The following MAGI1 variants were observed in gnomAD, a reference collection of about 807,000 sequenced individuals.
The protein encoded by MAGI1 is membrane-associated guanylate kinase, WW and PDZ domain-containing protein 1.
A neutral mutation model predicts 139.9 loss-of-function variants in MAGI1; 58 were observed. The observed-to-expected ratio is 0.41, with a 90% CI of 0.34 to 0.52. The LOEUF (loss-of-function observed/expected upper bound fraction) is 0.52, where lower values mean the gene tolerates loss of function less well. Among genes scored for constraint, MAGI1 ranks in the 20% least tolerant of loss-of-function variants. The probability of loss-of-function intolerance (pLI) is 0.12; values close to 1 mark genes in which losing one functional copy is unlikely to be tolerated. For missense variants in MAGI1, 1,874 were observed against 1,901.6 expected (o/e 0.99, Z 0.27); for synonymous variants, 812 against 737.9 (o/e 1.10, Z -1.63).
intron 1 of MAGI1, among the ~76,000 whole-genome samples, chr3:65,746,272 G>T (rs1436800452): frequency 6.6e-6 from 1 of 152,160 alleles, no homozygotes; most frequent in African/African-American, 2.4e-5. Flanking sequence ...CTGACCTTGT[G>T]ATCTGCCTGC....
At chr3:65,753,533 C>A (rs959124196) in intron 1 of MAGI1, among the ~76,000 whole-genome samples, 3 of 151,922 alleles carry the variant, frequency 2.0e-5, no homozygotes, top group Admixed American at 2.0e-4. Context: ...ACCAGCCTGA[C>A]CAACACAGTG....
In MAGI1 at chr3:65,664,133, T is replaced by C. The variant is rs1388174693; in HGVS notation, c.314-42045A>G. Among the ~76,000 whole-genome samples, 11 of 147,990 alleles carry C rather than the reference T, an allele frequency of 7.4e-5. No homozygotes were observed. In the East Asian group the frequency reaches 9.7e-4, roughly 13 times the overall value. Reference sequence around the variant, plus strand: ...CAACAGTTCCCAACTACTATTGCAATGGGCTTCAGTGCTGAACAAATTGTC... The same window carrying C: ...CAACAGTTCCCAACTACTATTGCAACGGGCTTCAGTGCTGAACAAATTGTC... On this transcript the variant is annotated intron_variant, in intron 1 of 22. Coordinates refer to ENST00000402939, the MANE Select transcript of MAGI1 (RefSeq NM_001033057.2).
At position 65,910,680 on chromosome 3, in the gene MAGI1, C is replaced by T. The variant is rs376976085; in HGVS notation, c.313+127316G>A. 5.3e-5 allele frequency among the ~76,000 whole-genome samples: 8 copies of T among 152,070 alleles called. No homozygotes were observed. The East Asian group carries it at 9.7e-4, about 18-fold the overall frequency. ...CTGCGTTAGAAACGAGTGCCCCCAA[C>T]CTCCATCAAAACTCTACAGTAGCTT... On this transcript the variant is annotated intron_variant, in intron 1 of 22. Transcript: ENST00000402939.
intron 1 of MAGI1, among the ~76,000 whole-genome samples, chr3:66,021,809 A>G (rs1196252978): frequency 6.6e-6 from 1 of 152,154 alleles, no homozygotes; most frequent in African/African-American, 2.4e-5. Flanking sequence ...ATGAGTCAGA[A>G]TCACTAATAA....
chr3:65,409,239 A>G lies in MAGI1; in HGVS notation c.2168-7769T>C, dbSNP rs147409908. Among the ~76,000 whole-genome samples the G allele has an allele frequency of 5.3e-5, 8 of 152,326 alleles. No individual in the cohort carries two copies. The East Asian group carries it at 1.5e-3, about 29-fold the overall frequency. On this transcript the variant is annotated intron_variant, in intron 12 of 22. Transcript: ENST00000402939. ...GAGCTCATAGTCTATTTTAAAAGAG[A>G]AAAAGCAAAGCAACCGTTTTATAAT...
chr3:65,495,416 C>A (rs960359249), intron 2 of MAGI1, among the ~76,000 whole-genome samples: 9 of 152,022 alleles, frequency 5.9e-5, no homozygotes, highest in African/African-American at 1.9e-4. Flanking sequence ...GTATAATAAT[C>A]TGTTATTATA....
At chr3:66,027,650 G>A (rs1311063743) in intron 1 of MAGI1, among the ~76,000 whole-genome samples, 2 of 152,196 alleles carry the variant, frequency 1.3e-5, no homozygotes, top group Non-Finnish European at 2.9e-5. Context: ...CTTAACCTGG[G>A]TTTAAGTGAT....
intron 1 of MAGI1, among the ~76,000 whole-genome samples, chr3:65,915,568 G>C (rs995515662): frequency 6.6e-6 from 1 of 152,074 alleles, no homozygotes; most frequent in South Asian, 2.1e-4. Context: ...ACTGGGAAGA[G>C]GAAAAACGAT....
chr3:65,438,856 A>G (rs1948033671), intron 9 of MAGI1, among the ~76,000 whole-genome samples: 1 of 152,244 alleles, frequency 6.6e-6, no homozygotes, highest in Admixed American at 6.5e-5. Flanking sequence ...AGCTATTTGC[A>G]TACTACAATG....
At chr3:65,918,846 G>A (rs1376112376) in intron 1 of MAGI1, among the ~76,000 whole-genome samples, 1 of 151,962 alleles carries the variant, frequency 6.6e-6, no homozygotes, top group African/African-American at 2.4e-5. Context: ...GCAAGTTAAG[G>A]AGAATGCTTA....
intron 5 of MAGI1, among the ~76,000 whole-genome samples, chr3:65,465,955 G>C (rs1950143004): frequency 6.6e-6 from 1 of 151,988 alleles, no homozygotes; most frequent in African/African-American, 2.4e-5. Context: ...TGTTCTTATT[G>C]GGTAATTTCT....
At chr3:65,795,587 T>C (rs780657604) in intron 1 of MAGI1, among the ~76,000 whole-genome samples, 20 of 152,120 alleles carry the variant, frequency 1.3e-4, no homozygotes, top group Admixed American at 3.3e-4. Flanking sequence ...CTGTAGTATT[T>C]CTTACAACTA....
intron 1 of MAGI1, among the ~76,000 whole-genome samples, chr3:65,807,504 A>G (rs1246427659): frequency 6.6e-6 from 1 of 152,178 alleles, no homozygotes; most frequent in Admixed American, 6.5e-5. Context: ...CCGGGGCAGG[A>G]GAGGGACACT....
Position 65,688,410 on chromosome 3 carries a change from A to G in MAGI1, c.314-66322T>C, listed in dbSNP as rs898590270. ...GAGAAAAAGGAAAGGGAGGAAGAAG[A>G]GAAGACAGAAGAACCACCTCAAGGA... On this transcript the variant is annotated intron_variant, in intron 1 of 22. Transcript: ENST00000402939. The G allele has an allele frequency of 1.7e-5, 9 of 534,636 alleles. No individual in the cohort carries two copies. In the African/African-American group the frequency reaches 1.7e-4, roughly 10 times the overall value. 33.1% of individuals were successfully genotyped at this position (534,636 alleles called of 1,614,324 possible). A position where few individuals can be genotyped will look rare whatever the true frequency, so the allele number is the denominator to read the frequency against.
chr3:65,543,762 G>GC (rs932311479), intron 2 of MAGI1, among the ~76,000 whole-genome samples: 3 of 151,840 alleles, frequency 2.0e-5, no homozygotes, highest in Non-Finnish European at 2.9e-5. Flanking sequence ...GGATGGGGGG[G>GC]GGTACAAGAG....
chr3:65,993,694 G>A (rs987951063), intron 1 of MAGI1, among the ~76,000 whole-genome samples: 29 of 152,176 alleles, frequency 1.9e-4, no homozygotes, highest in African/African-American at 6.5e-4. Flanking sequence ...ACCACTGTGT[G>A]ACATCATCTT....
At chr3:65,478,246 A>G (rs893102221) in intron 4 of MAGI1, among the ~76,000 whole-genome samples, 8 of 152,068 alleles carry the variant, frequency 5.3e-5, no homozygotes, top group Admixed American at 1.3e-4. Context: ...AGATGCTGCA[A>G]GTTACCCCCC....
intron 16 of MAGI1, among the ~76,000 whole-genome samples, chr3:65,380,556 T>A (rs1229024344): frequency 6.6e-6 from 1 of 152,182 alleles, no homozygotes; most frequent in African/African-American, 2.4e-5. Context: ...GCTTTCTATC[T>A]CTATAAATTT....
chr3:65,557,042 T>C (rs901521559), intron 2 of MAGI1, among the ~76,000 whole-genome samples: 3 of 152,218 alleles, frequency 2.0e-5, no homozygotes, highest in African/African-American at 7.2e-5. Context: ...CAGCAACTTA[T>C]CAGAAGAACT....
Sources: gnomAD v4.1 joint callset for allele counts (sites outside exome capture counted in the v4.1 genomes callset) on GRCh38, gnomAD v4.1.1 for gene constraint, MANE v1.5 for transcripts, NCBI Gene and HGNC (gene_info 2026-07-23, HGNC 2026-07-21) for gene names.